The following HDAC9 variants were observed in gnomAD, a reference collection of about 807,000 sequenced individuals.
HDAC9 encodes histone deacetylase 9.
In HDAC9, 41 loss-of-function variants were observed where a neutral mutation model predicts 139.4. The observed-to-expected ratio is 0.29, with a 90% CI of 0.23 to 0.38. The LOEUF (loss-of-function observed/expected upper bound fraction) is 0.38. Ranked by LOEUF, HDAC9 falls within the 10% of genes least tolerant of loss-of-function variation. The pLI is 1.00. For missense variants in HDAC9, 1,147 were observed against 1,297.0 expected (o/e 0.88, Z 1.78); for synonymous variants, 517 against 476.2 (o/e 1.09, Z -1.12).
At chr7:18,814,262 C>T (rs1794404788) in intron 17 of HDAC9, among the ~76,000 whole-genome samples, 1 of 152,064 alleles carries the variant, frequency 6.6e-6, no homozygotes, top group Non-Finnish European at 1.5e-5. Context: ...AAATTATAGT[C>T]TTTAGCATTT....
intron 1 of HDAC9, among the ~76,000 whole-genome samples, chr7:18,101,839 A>G (rs934313313): frequency 3.9e-5 from 6 of 152,228 alleles, no homozygotes; most frequent in African/African-American, 7.2e-5. Context: ...AGATGCCACT[A>G]TGGGAAAGTA....
chr7:18,888,150 G>C (rs1425350101), intron 22 of HDAC9, among the ~76,000 whole-genome samples: 1 of 152,028 alleles, frequency 6.6e-6, no homozygotes, highest in East Asian at 1.9e-4. Flanking sequence ...GGCCGGGTGC[G>C]GTGGCTCCCG....
intron 16 of HDAC9, among the ~76,000 whole-genome samples, chr7:18,790,422 G>C (rs1792197158): frequency 2.1e-5 from 1 of 47,318 alleles, no homozygotes; most frequent in Admixed American, 1.6e-4. Context: ...TGAGGATGTA[G>C]CAGATGTGGC....
At chr7:18,750,106 C>G (rs112859452) in intron 14 of HDAC9, among the ~76,000 whole-genome samples, 2,601 of 152,218 alleles carry the variant, frequency 0.017, 74 homozygotes, top group African/African-American at 0.059. Flanking sequence ...CCAAAGCAGA[C>G]AGAATTTTTC....
chr7:18,753,619 G>C (rs1327252338), intron 14 of HDAC9, among the ~76,000 whole-genome samples: 1 of 152,054 alleles, frequency 6.6e-6, no homozygotes, highest in African/African-American at 2.4e-5. Context: ...AATGCTAAAA[G>C]GATTCCTTCA....
At chr7:18,496,617 C>A in intron 2 of HDAC9, 2 of 383,134 alleles carry the variant, frequency 5.2e-6, no homozygotes, top group Non-Finnish European at 9.5e-6. Context: ...CTTTACTATG[C>A]AACTAGAAAA....
At chr7:18,379,113 T>G (rs1764262753) in intron 1 of HDAC9, among the ~76,000 whole-genome samples, 1 of 152,202 alleles carries the variant, frequency 6.6e-6, no homozygotes. Flanking sequence ...CTTCTCTGTT[T>G]TAAAATACTT....
At chr7:18,590,968 C>T (rs1421761400) in intron 4 of HDAC9, among the ~76,000 whole-genome samples, 1 of 152,108 alleles carries the variant, frequency 6.6e-6, no homozygotes, top group South Asian at 2.1e-4. Context: ...CAAATAATTC[C>T]CCTGTATTAG....
intron 2 of HDAC9, among the ~76,000 whole-genome samples, chr7:18,273,547 T>C (rs1358301434): frequency 6.6e-6 from 1 of 152,152 alleles, no homozygotes; most frequent in East Asian, 1.9e-4. Flanking sequence ...TGAAATTGTA[T>C]CTTTACCTCA....
intron 22 of HDAC9, among the ~76,000 whole-genome samples, chr7:18,889,372 G>A (rs1800469947): frequency 6.6e-6 from 1 of 151,918 alleles, no homozygotes; most frequent in Non-Finnish European, 1.5e-5. Context: ...GTCCCCAGGG[G>A]CTAAAATATC....
chr7:18,842,422 A>T (rs1308201154), intron 21 of HDAC9, among the ~76,000 whole-genome samples: 2 of 152,132 alleles, frequency 1.3e-5, no homozygotes, highest in African/African-American at 4.8e-5. Context: ...TGAACTTGTC[A>T]ATCAATCTTA....
intron 1 of HDAC9, among the ~76,000 whole-genome samples, chr7:18,112,395 A>C (rs1019317967): frequency 4.2e-4 from 63 of 150,684 alleles, no homozygotes; most frequent in African/African-American, 1.5e-3. Flanking sequence ...TACAACAATT[A>C]CATTGTGAAT....
chr7:18,122,005 A>G (rs1339677967), intron 1 of HDAC9, among the ~76,000 whole-genome samples: 1 of 151,602 alleles, frequency 6.6e-6, no homozygotes, highest in Admixed American at 6.6e-5. Context: ...AAATGAAGGC[A>G]TTCTTGTATT....
intron 1 of HDAC9, among the ~76,000 whole-genome samples, chr7:18,477,821 C>T (rs1251248938): frequency 6.6e-6 from 1 of 152,104 alleles, no homozygotes; most frequent in Non-Finnish European, 1.5e-5. Context: ...TAACGACTCA[C>T]AGCCTGTAAC....
intron 1 of HDAC9, among the ~76,000 whole-genome samples, chr7:18,388,274 A>G (rs1440776056): frequency 2.0e-5 from 3 of 152,176 alleles, no homozygotes; most frequent in Non-Finnish European, 4.4e-5. Flanking sequence ...TGACTCCCTG[A>G]GAGGTTCTCC....
intron 1 of HDAC9, among the ~76,000 whole-genome samples, chr7:18,370,870 G>A (rs1031547232): frequency 3.3e-5 from 5 of 152,118 alleles, no homozygotes; most frequent in African/African-American, 9.7e-5. Context: ...CAGAGTTTCC[G>A]TAGGGGCGTA....
intron 14 of HDAC9, among the ~76,000 whole-genome samples, chr7:18,753,377 G>A (rs754980034): frequency 6.6e-6 from 1 of 152,084 alleles, no homozygotes; most frequent in South Asian, 2.1e-4. Flanking sequence ...AATGTTACAT[G>A]TGAGAGTGTG....
At chr7:18,334,155 AT>A (rs1781414800) in intron 1 of HDAC9, among the ~76,000 whole-genome samples, 1 of 151,602 alleles carries the variant, frequency 6.6e-6, no homozygotes, top group Admixed American at 6.6e-5. Flanking sequence ...GCTAGAAAGT[AT>A]TCCAATGACT....
At chr7:18,717,309 A>C (rs1208505542) in intron 12 of HDAC9, among the ~76,000 whole-genome samples, 1 of 152,130 alleles carries the variant, frequency 6.6e-6, no homozygotes, top group Non-Finnish European at 1.5e-5. Context: ...AATGCTATCC[A>C]TAGCTAGGGA....
Sources: gnomAD v4.1 joint callset for allele counts (sites outside exome capture counted in the v4.1 genomes callset) on GRCh38, gnomAD v4.1.1 for gene constraint, MANE v1.5 for transcripts, NCBI Gene and HGNC (gene_info 2026-07-23, HGNC 2026-07-21) for gene names.